AACS: variants seen among roughly 807,000 people sequenced by gnomAD.
The protein encoded by AACS is acetoacetyl-CoA synthetase, also known as acetoacetate-CoA ligase.
In AACS, 69 loss-of-function variants were observed where a neutral mutation model predicts 83.1. The observed-to-expected ratio is 0.83, with a 90% CI of 0.68 to 1.01. The LOEUF is 1.01. Among genes scored for constraint, AACS ranks in the 50% least tolerant of loss-of-function variants. The probability of loss-of-function intolerance (pLI) is 0.00; values close to 1 mark genes in which losing one functional copy is unlikely to be tolerated. For synonymous variants in AACS, 333 were observed against 343.4 expected, an observed-to-expected ratio of 0.97 and a Z score of 0.33; for missense variants, 866 against 882.2, an observed-to-expected ratio of 0.98 and a Z score of 0.23.
At chr12:125,075,608 T>G (rs1956003498) in intron 2 of AACS, among the ~76,000 whole-genome samples, 2 of 149,546 alleles carry the variant, frequency 1.3e-5, no homozygotes, top group Non-Finnish European at 3.0e-5. Flanking sequence ...TTTTTTTTTT[T>G]TTTGAGATGG....
chr12:125,133,890 G>C (rs1206658795), intron 14 of AACS, 113 bp from the exon 15 acceptor site: 2 of 1,062,014 alleles, frequency 1.9e-6, no homozygotes, highest in Non-Finnish European at 2.8e-6. Context: ...CCCCATGCCA[G>C]ACCTGCCTCT....
chr12:125,109,234 C>T lies in AACS; in HGVS notation c.915+1966C>T, dbSNP rs181627338. Among the ~76,000 whole-genome samples the T allele has an allele frequency of 2.3e-4, 35 of 152,236 alleles. No individual in the cohort carries two copies. In the East Asian group the frequency reaches 3.1e-3, roughly 13 times the overall value. On this transcript the variant is annotated intron_variant, in intron 8 of 17. Coordinates refer to ENST00000316519, the MANE Select transcript of AACS (RefSeq NM_023928.5). Reference sequence around the variant, plus strand: ...GCAACCTCTACCTCCTGGGCCCAAGCGATCCTCCCACCTCAGTCTTCCAAG... The same window carrying T: ...GCAACCTCTACCTCCTGGGCCCAAGTGATCCTCCCACCTCAGTCTTCCAAG...
chr12:125,083,854 A>G (rs544196895), intron 3 of AACS, among the ~76,000 whole-genome samples: 1 of 151,552 alleles, frequency 6.6e-6, no homozygotes, highest in African/African-American at 2.4e-5. Flanking sequence ...GGGTTTCACC[A>G]TGTTGGCCAG....
At chr12:125,095,111 A>G (rs1480873126) in intron 5 of AACS, among the ~76,000 whole-genome samples, 3 of 151,964 alleles carry the variant, frequency 2.0e-5, no homozygotes, top group African/African-American at 7.3e-5. Flanking sequence ...TCAATGCTTG[A>G]TTGGTTGCTA....
chr12:125,066,256 C>A (rs1190622733), intron 1 of AACS, among the ~76,000 whole-genome samples: 8 of 152,106 alleles, frequency 5.3e-5, no homozygotes, highest in African/African-American at 1.9e-4. Context: ...TCCCAGCCCC[C>A]AAACAGAACC....
At position 125,130,010 on chromosome 12, in the gene AACS, G is replaced by T. The variant is rs1957307312; in HGVS notation, c.1549+550G>T. ...TGGTGCCTTGCCCCAAAGCAGGGAA[G>T]TCTTTTATTTAAAGCTCTGATTCCT... On this transcript the variant is annotated intron_variant, in intron 14 of 17. Coordinates refer to ENST00000316519, the MANE Select transcript of AACS (RefSeq NM_023928.5). The surrounding 1 kb of genome is among the most constrained non-coding windows in gnomAD (Gnocchi z 4.9). Among the ~76,000 whole-genome samples the T allele has an allele frequency of 6.6e-6, 1 of 152,222 alleles. No homozygotes were observed. Among genetic ancestry groups the T allele is most frequent in the African/African-American group, 2.4e-5 (1 of 41,462 alleles).
At position 125,065,612 on chromosome 12, in the gene AACS, G is replaced by A; in HGVS notation, c.28G>A (p.Glu10Lys). 6.5e-7 allele frequency: 1 copy of A among 1,536,482 alleles called. No individual in the cohort carries two copies. The highest frequency in any genetic ancestry group is 2.6e-5 in the East Asian group (1 of 38,762). MSKEERPGREEILECQVMWE... is the reference protein window; with the variant it reads MSKEERPGRKEILECQVMWE... ...GTCCAAGGAGGAGCGCCCCGGTCGG[G>A]AGGAGATCCTGGAGTGCCAGGTGAT... The change falls in exon 1 of 18, where the codon GAG becomes AAG. Residue 10 changes from glutamate to lysine, a missense_variant. Physicochemically the swap from Glu to Lys is moderately conservative, Grantham distance 56. Transcript: ENST00000316519.
At chr12:125,072,950 T>TAC (rs1955915309) in intron 1 of AACS, among the ~76,000 whole-genome samples, 1 of 130,218 alleles carries the variant, frequency 7.7e-6, no homozygotes, top group Non-Finnish European at 1.6e-5. Flanking sequence ...TTTTTTGAGA[T>TAC]GGAGTTTCGC....
intron 5 of AACS, among the ~76,000 whole-genome samples, chr12:125,093,972 G>T (rs1956548400): frequency 6.6e-6 from 1 of 152,172 alleles, no homozygotes; most frequent in Non-Finnish European, 1.5e-5. Flanking sequence ...TGTTCATAGC[G>T]CTTGGTCCCA....
In AACS at chr12:125,076,455, T is replaced by C. The variant is rs546461862; in HGVS notation, c.238-36T>C. 8.2e-5 allele frequency: 132 copies of C among 1,609,712 alleles called. 1 individual carries two copies. The South Asian group carries it at 1.4e-3, about 17-fold the overall frequency. On this transcript the variant is annotated intron_variant, in intron 2 of 17. Coordinates refer to ENST00000316519, the MANE Select transcript of AACS (RefSeq NM_023928.5). ...TTTGCTGATCTGTAGCGTAGTCTCA[T>C]GTGTGTGCGTCTTGGTTTGTTGTCA...
Position 125,073,857 on chromosome 12 carries a change from T to G in AACS, c.134-19T>G. 3.1e-6 allele frequency: 5 copies of G among 1,593,216 alleles called. No homozygotes were observed. The highest frequency in any genetic ancestry group is 2.2e-5 in the South Asian group (2 of 89,976). On this transcript the variant is annotated intron_variant, in intron 1 of 17. Transcript: ENST00000316519. ...CAAGATTTCCCTTCTAAGGTTAATC[T>G]GAGCTATTTCATTTTTAGAGAGTTA...
At chr12:125,104,782 A>G (rs1956796537) in intron 7 of AACS, among the ~76,000 whole-genome samples, 1 of 152,184 alleles carries the variant, frequency 6.6e-6, no homozygotes, top group Non-Finnish European at 1.5e-5. Context: ...TAAAATGGAG[A>G]TGAGGTGGTA....
At chr12:125,091,077 T>G in intron 4 of AACS, 1 of 320,798 alleles carries the variant, frequency 3.1e-6, no homozygotes, top group Non-Finnish European at 6.1e-6. Flanking sequence ...CGTGGAGGAG[T>G]GTTCAGCAGA....
At chr12:125,124,323 C>A in intron 10 of AACS, 1 of 185,898 alleles carries the variant, frequency 5.4e-6, no homozygotes, top group Non-Finnish European at 1.1e-5. Context: ...ATTCTGTAGC[C>A]TTCTCTTCAT....
chr12:125,102,550 G>T (rs1941171891), intron 5 of AACS, 129 bp from the exon 6 acceptor site: 2 of 768,666 alleles, frequency 2.6e-6, no homozygotes, highest in South Asian at 1.5e-5. Flanking sequence ...CTCCAACCTT[G>T]AACTCCTGGG....
At chr12:125,138,664 T>C (rs1407221141) in intron 17 of AACS, 1 of 152,234 alleles carries the variant, frequency 6.6e-6, no homozygotes, top group Non-Finnish European at 1.5e-5. Context: ...GTCCTGGCTT[T>C]TGTGGGCTTG....
chr12:125,102,824 T>C, intron 6 of AACS, 31 bp downstream of exon 6: 1 of 1,587,744 alleles, frequency 6.3e-7, no homozygotes, highest in African/African-American at 1.3e-5. Context: ...CCAGCCGGCA[T>C]GGCTGGGTGT....
rs1327199005 is a variant in AACS at position 125,086,355 on chromosome 12, G to C, written c.384G>C (p.Lys128Asn). The C allele has an allele frequency of 6.8e-6, 11 of 1,614,178 alleles. No individual in the cohort carries two copies. The highest frequency in any genetic ancestry group is 9.3e-6 in the Non-Finnish European group (11 of 1,180,030). Reference protein sequence around the residue: ...IAREGKEEIVKVTFEELRQEV... With the variant: ...IAREGKEEIVNVTFEELRQEV... ...GGGAAGGCAAAGAGGAAATTGTGAA[G>C]GTGACTTTTGAAGAGCTGAGGCAAG... is the stretch of plus-strand genomic sequence containing the variant. The change falls in exon 4 of 18, where the codon AAG becomes AAC. Residue 128 changes from lysine to asparagine, a missense_variant. Physicochemically the swap from Lys to Asn is moderately conservative, Grantham distance 94. Transcript: ENST00000316519.
chr12:125,086,314 CTT>C lies in AACS; in HGVS notation c.359-12_359-11del. 1 of 1,612,544 alleles carries C rather than the reference CTT, an allele frequency of 6.2e-7. No homozygotes were observed. The highest frequency in any genetic ancestry group is 8.5e-7 in the Non-Finnish European group (1 of 1,178,746). On this transcript the variant is annotated splice_polypyrimidine_tract_variant and intron_variant, in intron 3 of 17. Coordinates refer to ENST00000316519, the MANE Select transcript of AACS (RefSeq NM_023928.5). ...TGCGGTGGTCTGTGTACAATTTACC[CTT>C]TTTCTCTTCCCAGGGGAAGGCAAAG... is the stretch of plus-strand genomic sequence containing the variant.
Sources: gnomAD v4.1 joint callset for allele counts (sites outside exome capture counted in the v4.1 genomes callset) on GRCh38, gnomAD v4.1.1 for gene constraint, Gnocchi (gnomAD v3.1) non-coding constraint, MANE v1.5 for transcripts, NCBI Gene and HGNC (gene_info 2026-07-23, HGNC 2026-07-21) for gene names.